CSMD1: variants seen among roughly 807,000 people sequenced by gnomAD.
CSMD1 encodes CUB and Sushi multiple domains 1, also known as CUB and sushi domain-containing protein 1.
Under a neutral mutation model 417.5 loss-of-function variants are expected in CSMD1, and 213 were observed. The observed-to-expected ratio is 0.51, with a 90% CI of 0.46 to 0.57. The LOEUF (loss-of-function observed/expected upper bound fraction) is 0.57, where lower values mean the gene tolerates loss of function less well. Among genes scored for constraint, CSMD1 ranks in the 20% least tolerant of loss-of-function variants. The probability of loss-of-function intolerance (pLI) is 0.00; values close to 1 mark genes in which losing one functional copy is unlikely to be tolerated. For missense variants in CSMD1, 6,923 were observed against 4,529.7 expected, an observed-to-expected ratio of 1.53 and a Z score of -15.17; for synonymous variants, 2,862 against 1,736.8, an observed-to-expected ratio of 1.65 and a Z score of -16.11.
chr8:3,787,390 C>A (rs1221492679), intron 5 of CSMD1, among the ~76,000 whole-genome samples: 1 of 152,152 alleles, frequency 6.6e-6, no homozygotes, highest in African/African-American at 2.4e-5. Flanking sequence ...AGCAGATAAC[C>A]AGGATTCTCC....
At chr8:3,946,194 G>A (rs1179428348) in intron 5 of CSMD1, among the ~76,000 whole-genome samples, 1 of 152,094 alleles carries the variant, frequency 6.6e-6, no homozygotes, top group Admixed American at 6.6e-5. Context: ...AATCTCAGTG[G>A]TTTAGCAACT....
At position 3,244,824 on chromosome 8, in the gene CSMD1, C is replaced by T. The variant is rs543256608; in HGVS notation, c.4154-14593G>A. ...TCATAGTCACAGATGGGTGCGGGAT[C>T]CGTCTTCAGCAGGGACACTGCTTGG... On this transcript the variant is annotated intron_variant, in intron 26 of 69. Coordinates refer to ENST00000635120, the MANE Select transcript of CSMD1 (RefSeq NM_033225.6). 2.2e-4 allele frequency among the ~76,000 whole-genome samples: 33 copies of T among 152,332 alleles called. 1 individual carries two copies. In the South Asian group the frequency reaches 6.4e-3, roughly 30 times the overall value.
At chr8:3,679,198 T>C (rs945224437) in intron 7 of CSMD1, among the ~76,000 whole-genome samples, 1 of 152,074 alleles carries the variant, frequency 6.6e-6, no homozygotes, top group African/African-American at 2.4e-5. Context: ...TAACCTTAAA[T>C]GCAAATGGGC....
intron 10 of CSMD1, among the ~76,000 whole-genome samples, chr8:3,543,653 T>A (rs115969943): frequency 2.0e-5 from 3 of 151,648 alleles, no homozygotes; most frequent in Admixed American, 6.6e-5. Context: ...AAAAAAAGAA[T>A]TGCCATTTTC....
rs893387576 is a variant in CSMD1, at chr8:3,035,321, G to A, written c.7661-5808C>T. Among the ~76,000 whole-genome samples, 42 of 152,056 alleles carry A rather than the reference G, an allele frequency of 2.8e-4. 1 individual carries two copies. In the Middle Eastern group the frequency reaches 0.01, roughly 37 times the overall value. On this transcript the variant is annotated intron_variant, in intron 50 of 69. Transcript: ENST00000635120. ...TTGTATATGTAATTCTACTGTAAGC[G>A]GATCCTCACTCACAACGACACTGAG...
intron 5 of CSMD1, among the ~76,000 whole-genome samples, chr8:3,910,984 C>G (rs1417455368): frequency 6.6e-6 from 1 of 152,178 alleles, no homozygotes; most frequent in Non-Finnish European, 1.5e-5. Flanking sequence ...GTAGCTATTA[C>G]AAGACAGATG....
At chr8:3,512,132 A>G (rs1219215111) in intron 10 of CSMD1, among the ~76,000 whole-genome samples, 1 of 152,136 alleles carries the variant, frequency 6.6e-6, no homozygotes, top group African/African-American at 2.4e-5. Context: ...TGTGGCCCCA[A>G]CCACGCTCAT....
chr8:4,105,815 C>A (rs1482078613), intron 3 of CSMD1, among the ~76,000 whole-genome samples: 1 of 152,232 alleles, frequency 6.6e-6, no homozygotes, highest in Non-Finnish European at 1.5e-5. Flanking sequence ...CACTGAGTTA[C>A]TTGTCACCCC....
chr8:3,286,330 G>A (rs555267182), intron 25 of CSMD1, among the ~76,000 whole-genome samples: 6 of 152,120 alleles, frequency 3.9e-5, no homozygotes, highest in African/African-American at 1.4e-4. Context: ...ATAATCCTTT[G>A]GGTATATACC....
chr8:4,186,040 T>G (rs1200479729), intron 3 of CSMD1, among the ~76,000 whole-genome samples: 2 of 152,198 alleles, frequency 1.3e-5, no homozygotes, highest in African/African-American at 4.8e-5. Flanking sequence ...ACATAGTGCC[T>G]GGGTGGGCCT....
At chr8:4,076,519 A>G (rs1454381824) in intron 3 of CSMD1, among the ~76,000 whole-genome samples, 1 of 152,230 alleles carries the variant, frequency 6.6e-6, no homozygotes, top group African/African-American at 2.4e-5. Flanking sequence ...TATATGAACA[A>G]ATAGAGCCAA....
intron 10 of CSMD1, among the ~76,000 whole-genome samples, chr8:3,495,200 T>C (rs913362113): frequency 6.6e-6 from 1 of 152,238 alleles, no homozygotes; most frequent in African/African-American, 2.4e-5. Context: ...GATATTTTTA[T>C]TTCTACTTTT....
chr8:4,324,595 A>C (rs1799447378), intron 3 of CSMD1, among the ~76,000 whole-genome samples: 1 of 152,216 alleles, frequency 6.6e-6, no homozygotes, highest in Non-Finnish European at 1.5e-5. Flanking sequence ...TACTAGGAAC[A>C]AGACAGGTCA....
chr8:4,232,036 G>A (rs938153504), intron 3 of CSMD1, among the ~76,000 whole-genome samples: 1 of 152,108 alleles, frequency 6.6e-6, no homozygotes, highest in African/African-American at 2.4e-5. Context: ...ACAATATGTT[G>A]GCCTGATACT....
chr8:4,639,816 T>C (rs975039547), intron 1 of CSMD1, among the ~76,000 whole-genome samples: 3 of 152,136 alleles, frequency 2.0e-5, no homozygotes, highest in Non-Finnish European at 4.4e-5. Flanking sequence ...AAAATCTTAA[T>C]AAAAAGATTT....
chr8:3,177,066 C>A (rs548770229), intron 37 of CSMD1, among the ~76,000 whole-genome samples: 1 of 152,136 alleles, frequency 6.6e-6, no homozygotes, highest in South Asian at 2.1e-4. Context: ...GCATGAGCAA[C>A]CATGCCCAGC....
intron 25 of CSMD1, among the ~76,000 whole-genome samples, chr8:3,302,083 C>T (rs1484774573): frequency 6.6e-6 from 1 of 152,034 alleles, no homozygotes; most frequent in African/African-American, 2.4e-5. Context: ...GAGCATAACA[C>T]TGAAGACTAA....
chr8:3,331,287 G>C (rs1585010965), intron 23 of CSMD1, among the ~76,000 whole-genome samples: 1 of 151,592 alleles, frequency 6.6e-6, no homozygotes, highest in South Asian at 2.1e-4. Flanking sequence ...TCTGATTTCA[G>C]ACTGAGGGAG....
chr8:4,698,225 G>C (rs1464852608), intron 1 of CSMD1, among the ~76,000 whole-genome samples: 1 of 150,996 alleles, frequency 6.6e-6, no homozygotes, highest in Non-Finnish European at 1.5e-5. Context: ...GTAAGCCCTG[G>C]TTCTTCATCA....
Sources: gnomAD v4.1 joint callset for allele counts (sites outside exome capture counted in the v4.1 genomes callset) on GRCh38, gnomAD v4.1.1 for gene constraint, MANE v1.5 for transcripts, NCBI Gene and HGNC (gene_info 2026-07-23, HGNC 2026-07-21) for gene names.